The following BAIAP2 variants were observed in gnomAD, a reference collection of about 807,000 sequenced individuals.
The protein encoded by BAIAP2 is BAR/IMD domain containing adaptor protein 2.
In BAIAP2, 18 loss-of-function variants were observed where a neutral mutation model predicts 63.0. The ratio of observed to expected loss-of-function variants is 0.29; its 90% CI spans 0.20 to 0.42. The LOEUF (loss-of-function observed/expected upper bound fraction) is 0.42, where lower values mean the gene tolerates loss of function less well. BAIAP2 is among the 10% of genes least tolerant of loss of function. The pLI, the probability that BAIAP2 is intolerant of heterozygous loss-of-function variation, is 1.00. For synonymous variants in BAIAP2, 386 were observed against 307.6 expected (o/e 1.25, Z -2.67); for missense variants, 610 against 734.3 (o/e 0.83, Z 1.96).
chr17:81,079,970 C>T (rs565933394), intron 3 of BAIAP2, among the ~76,000 whole-genome samples: 2 of 152,158 alleles, frequency 1.3e-5, no homozygotes, highest in African/African-American at 2.4e-5. Context: ...AGCCCGAGAA[C>T]GCATGGCCTC....
intron 1 of BAIAP2, among the ~76,000 whole-genome samples, chr17:81,042,130 C>T (rs532158837): frequency 4.5e-5 from 6 of 131,936 alleles, no homozygotes; most frequent in African/African-American, 8.6e-5. Flanking sequence ...TTTTTTTTTT[C>T]TTTTCTTTTT....
At chr17:81,041,824 G>A (rs1012750257) in intron 1 of BAIAP2, among the ~76,000 whole-genome samples, 1 of 152,148 alleles carries the variant, frequency 6.6e-6, no homozygotes, top group Admixed American at 6.6e-5. Context: ...CACCCACCTC[G>A]GGCTCCCAAA....
At chr17:81,081,269 G>A (rs1036335903) in intron 3 of BAIAP2, among the ~76,000 whole-genome samples, 12 of 152,220 alleles carry the variant, frequency 7.9e-5, no homozygotes, top group African/African-American at 2.9e-4. Context: ...ACGCCGAGAA[G>A]CACGAGGAGC....
chr17:81,075,700 A>G (rs1485982656), intron 3 of BAIAP2, among the ~76,000 whole-genome samples: 1 of 151,992 alleles, frequency 6.6e-6, no homozygotes, highest in African/African-American at 2.4e-5. Context: ...GCGTATCACC[A>G]CACTCCCTCT....
intron 6 of BAIAP2, among the ~76,000 whole-genome samples, chr17:81,096,034 G>A (rs902877882): frequency 1.3e-5 from 2 of 152,118 alleles, no homozygotes; most frequent in African/African-American, 2.4e-5. Context: ...GGAAGGTGCC[G>A]TTCTCAGGGT....
intron 1 of BAIAP2, among the ~76,000 whole-genome samples, chr17:81,050,268 G>T (rs978540591): frequency 7.2e-5 from 11 of 152,216 alleles, no homozygotes; most frequent in Admixed American, 6.5e-5. Flanking sequence ...TTGCCTTCGG[G>T]CCAGGACAGC....
At chr17:81,090,794 G>C (rs1251142619) in intron 6 of BAIAP2, among the ~76,000 whole-genome samples, 1 of 152,234 alleles carries the variant, frequency 6.6e-6, no homozygotes, top group Non-Finnish European at 1.5e-5. Context: ...TGGCTGCCTG[G>C]CTGGGATGTG....
At chr17:81,040,677 G>A (rs761903594) in intron 1 of BAIAP2, among the ~76,000 whole-genome samples, 9 of 152,256 alleles carry the variant, frequency 5.9e-5, no homozygotes, top group Non-Finnish European at 1.0e-4. Context: ...CTTTGCTGAG[G>A]GTTTGCTCCC....
intron 3 of BAIAP2, among the ~76,000 whole-genome samples, chr17:81,063,541 G>A (rs1598594854): frequency 6.6e-6 from 1 of 152,192 alleles, no homozygotes; most frequent in South Asian, 2.1e-4. Context: ...GGGTTGTGCG[G>A]CAGCCACTTG....
In BAIAP2 at chr17:81,102,368, G is replaced by A. The variant is rs985951073; in HGVS notation, c.643-1134G>A. ...AGTGCTGGTCCCTGCTGGCCTCTCC[G>A]CGCCACCCAAGACTCACTCCTCTAC... On this transcript the variant is annotated intron_variant, in intron 7 of 13. Coordinates refer to ENST00000428708, the MANE Select transcript of BAIAP2 (RefSeq NM_001144888.2). 2.6e-5 allele frequency among the ~76,000 whole-genome samples: 4 copies of A among 152,082 alleles called. No individual in the cohort carries two copies. In the South Asian group the frequency reaches 6.2e-4, roughly 24 times the overall value.
At chr17:81,066,686 G>A (rs1194860465) in intron 3 of BAIAP2, among the ~76,000 whole-genome samples, 1 of 152,226 alleles carries the variant, frequency 6.6e-6, no homozygotes, top group African/African-American at 2.4e-5. Flanking sequence ...TGTCCCCAGT[G>A]GCTCCCGTTG....
intron 6 of BAIAP2, among the ~76,000 whole-genome samples, chr17:81,092,734 G>A (rs2145571734): frequency 6.6e-6 from 1 of 152,280 alleles, no homozygotes; most frequent in East Asian, 1.9e-4. Flanking sequence ...CACTCCCCAG[G>A]ACCGTGGTCG....
chr17:81,095,088 A>G (rs1300628861), intron 6 of BAIAP2, among the ~76,000 whole-genome samples: 2 of 152,178 alleles, frequency 1.3e-5, no homozygotes, highest in Non-Finnish European at 2.9e-5. Flanking sequence ...ACTAAGTGGG[A>G]GCATTCTGTG....
At chr17:81,064,245 G>A (rs547624469) in intron 3 of BAIAP2, among the ~76,000 whole-genome samples, 2 of 152,342 alleles carry the variant, frequency 1.3e-5, no homozygotes, top group Admixed American at 1.3e-4. Context: ...AGTCCTGTGG[G>A]TCTCTCTGTA....
intron 10 of BAIAP2, chr17:81,105,852 A>T (rs1228769081): frequency 2.1e-6 from 1 of 484,838 alleles, no homozygotes; most frequent in Non-Finnish European, 3.7e-6. Flanking sequence ...TGGGGCCGGC[A>T]GCTCCCACCA....
intron 10 of BAIAP2, chr17:81,105,051 A>AG: frequency 4.4e-6 from 1 of 229,316 alleles, no homozygotes; most frequent in Non-Finnish European, 8.9e-6. Flanking sequence ...GTCTTTCCCC[A>AG]TGGCAGGGGT....
chr17:81,057,560 C>T (rs1407490030), intron 2 of BAIAP2: 2 of 939,366 alleles, frequency 2.1e-6, no homozygotes, highest in Non-Finnish European at 2.6e-6. Flanking sequence ...ACAGTTAGTA[C>T]AACACTCCCT....
intron 6 of BAIAP2, among the ~76,000 whole-genome samples, chr17:81,092,719 A>G (rs1384526578): frequency 2.0e-5 from 3 of 152,014 alleles, no homozygotes; most frequent in Non-Finnish European, 2.9e-5. Context: ...GGGCAGCGGC[A>G]CCTTCACTCC....
At chr17:81,047,995 T>C (rs1410982331) in intron 1 of BAIAP2, among the ~76,000 whole-genome samples, 1 of 152,168 alleles carries the variant, frequency 6.6e-6, no homozygotes, top group Non-Finnish European at 1.5e-5. Context: ...TGGGGGACAC[T>C]CTCTGTCAGC....
Sources: allele counts gnomAD v4.1 joint callset (sites outside exome capture counted in the v4.1 genomes callset), GRCh38; gene constraint gnomAD v4.1.1; transcripts MANE v1.5; gene names NCBI Gene and HGNC (gene_info 2026-07-23, HGNC 2026-07-21).